CDK5RAP3: variants seen among roughly 807,000 people sequenced by gnomAD.
CDK5RAP3 encodes the protein CDK5 regulatory subunit associated protein 3, also known as CDK5 regulatory subunit-associated protein 3.
In CDK5RAP3, 58 loss-of-function variants were observed where a neutral mutation model predicts 73.3. The observed-to-expected ratio is 0.79, with a 90% CI of 0.64 to 0.98. The LOEUF (loss-of-function observed/expected upper bound fraction) is 0.98. Among genes scored for constraint, CDK5RAP3 ranks in the 50% least tolerant of loss-of-function variants. CDK5RAP3 has a pLI of 0.00. For missense variants in CDK5RAP3, 525 were observed against 615.8 expected (o/e 0.85, Z 1.56); for synonymous variants, 224 against 247.5 (o/e 0.91, Z 0.89).
rs2036373125 is a variant in CDK5RAP3 at position 47,975,267 on chromosome 17, A to C, written c.443A>C (p.Glu148Ala). Residue 148 changes from glutamate to alanine, a missense_variant, in exon 6 of 14, where the codon GAG becomes GCG. Around this residue, in one of 2 missense-constraint regions of CDK5RAP3, gnomAD observed 409 missense variants for 429.8 expected, o/e 0.95. Transcript: ENST00000338399. ...QLQQEYSRKE[E>A]ECQAGAAEMR... ...CAGCAAGAATACAGCCGCAAGGAGG[A>C]GGAGTGCCAGGCAGGGGCTGCCGAG... 2 of 1,614,164 alleles carry C rather than the reference A, an allele frequency of 1.2e-6. No individual in the cohort carries two copies. The highest frequency in any genetic ancestry group is 8.5e-7 in the Non-Finnish European group (1 of 1,180,044).
At chr17:47,980,987 C>A in intron 12 of CDK5RAP3, 176 bp from the exon 13 acceptor site, 1 of 858,378 alleles carries the variant, frequency 1.2e-6, no homozygotes, top group Non-Finnish European at 1.8e-6. Flanking sequence ...TGCTTGCTTC[C>A]TGAGTAGGAC....
At chr17:47,968,970 A>G (rs958548563), upstream of CDK5RAP3, among the ~76,000 whole-genome samples, 1 of 152,114 alleles carries the variant, frequency 6.6e-6, no homozygotes, top group African/African-American at 2.4e-5. Context: ...TATTTCATAT[A>G]GGGAGAGTTT....
At chr17:47,977,601 G>A in intron 9 of CDK5RAP3, among the ~76,000 whole-genome samples, 1 of 152,154 alleles carries the variant, frequency 6.6e-6, no homozygotes, top group Non-Finnish European at 1.5e-5. Context: ...AAATTTTGAT[G>A]TCCTTTTTCT....
At chr17:47,981,057 G>T in intron 12 of CDK5RAP3, 106 bp from the exon 13 acceptor site, 1 of 1,234,948 alleles carries the variant, frequency 8.1e-7, no homozygotes, top group Non-Finnish European at 1.1e-6. Context: ...GAGGGTAAGC[G>T]GCCAGTTGGG....
rs1158916011 is a variant in CDK5RAP3, at chr17:47,973,582, A to G, written c.116A>G (p.Glu39Gly). The G allele has an allele frequency of 5.0e-6, 8 of 1,614,158 alleles. No homozygotes were observed. The highest frequency in any genetic ancestry group is 1.1e-5 in the South Asian group (1 of 91,080). The change falls in exon 3 of 14, where the codon GAG becomes GGG. Residue 39 changes from glutamate (E) to glycine (G), a missense_variant. Coordinates refer to ENST00000338399, the MANE Select transcript of CDK5RAP3 (RefSeq NM_176096.3). ...KWQSLVLTIR[E>G]KINAAIQDMP... ...CAGAGTCTGGTGCTGACGATCCGCG[A>G]GAAGATCAATGCTGCCATCCAGGAC...
upstream of CDK5RAP3, among the ~76,000 whole-genome samples, chr17:47,969,925 G>A (rs930726782): frequency 6.6e-6 from 1 of 152,118 alleles, no homozygotes; most frequent in South Asian, 2.1e-4. Context: ...AATCACCTAG[G>A]TGTCATCCTT....
chr17:47,969,556 C>CAAAAAAA (rs36208323), upstream of CDK5RAP3, among the ~76,000 whole-genome samples: 12 of 79,848 alleles, frequency 1.5e-4, no homozygotes, highest in Non-Finnish European at 1.9e-4. Flanking sequence ...GACTCCGTCT[C>CAAAAAAA]AAAAAAAAAA....
At chr17:47,968,917 C>T (rs1049537984), upstream of CDK5RAP3, among the ~76,000 whole-genome samples, 2 of 152,152 alleles carry the variant, frequency 1.3e-5, no homozygotes, top group Admixed American at 6.5e-5. Context: ...CCCAAAAGTG[C>T]TGGGATTACA....
At position 47,973,610 on chromosome 17, in the gene CDK5RAP3, G is replaced by A. The variant is rs1330730806; in HGVS notation, c.144G>A (p.Met48Ile). The A allele has an allele frequency of 1.9e-6, 3 of 1,614,176 alleles. No homozygotes were observed. The highest frequency in any genetic ancestry group is 2.5e-6 in the Non-Finnish European group (3 of 1,180,026). The change falls in exon 3 of 14, where the codon ATG (methionine) becomes ATA (isoleucine). Residue 48 changes from methionine (M) to isoleucine (I), a missense_variant. By Grantham distance (10) the Met-to-Ile change is conservative. Coordinates refer to ENST00000338399, the MANE Select transcript of CDK5RAP3 (RefSeq NM_176096.3). Reference protein sequence around the residue: ...REKINAAIQDMPESEEIAQLL... With the variant: ...REKINAAIQDIPESEEIAQLL... ...AGATCAATGCTGCCATCCAGGACAT[G>A]CCAGAGAGCGAAGAGATCGCCCAGC...
In CDK5RAP3 at chr17:47,976,818, C is replaced by A. The variant is rs771413324; in HGVS notation, c.905C>A (p.Ser302Ter). 1 of 1,599,590 alleles carries A rather than the reference C, an allele frequency of 6.3e-7. No homozygotes were observed. The highest frequency in any genetic ancestry group is 1.7e-5 in the Admixed American group (1 of 58,972). The stretch of plus-strand genomic sequence containing the variant: ...TGGGGCATCTTCCCGGAATCAGATT[C>A]AAAGGTGAGGAGGCCTTCTCAGTCT... ...IDWGIFPESD[S>*]KDPGGDGIDW... The change falls in exon 9 of 14, where the codon TCA becomes TAA. Residue 302 changes from serine to a stop codon, truncating the protein, a stop_gained. Coordinates refer to ENST00000338399, the MANE Select transcript of CDK5RAP3 (RefSeq NM_176096.3). LOFTEE classifies it high-confidence loss of function.
At chr17:47,976,631 T>C in intron 8 of CDK5RAP3, 81 bp from the exon 9 acceptor site, 2 of 961,720 alleles carry the variant, frequency 2.1e-6, no homozygotes, top group South Asian at 2.6e-5. Context: ...CCCAAAGTAC[T>C]GGGGTTACAG....
At chr17:47,973,824 A>C in intron 3 of CDK5RAP3, 107 bp from the exon 4 acceptor site, 2 of 1,191,614 alleles carry the variant, frequency 1.7e-6, no homozygotes, top group Non-Finnish European at 2.4e-6. Context: ...GAAAAGCTAC[A>C]CACTAAAGTT....
upstream of CDK5RAP3, chr17:47,970,999 G>A: frequency 6.7e-7 from 1 of 1,500,116 alleles, no homozygotes; most frequent in Non-Finnish European, 8.9e-7. Context: ...TGAGTGGAGC[G>A]TAAACCCTGA....
upstream of CDK5RAP3, chr17:47,968,079 C>G (rs1360829301): frequency 1.3e-5 from 2 of 152,162 alleles, no homozygotes; most frequent in Non-Finnish European, 2.9e-5. Context: ...ACCTTGAGGG[C>G]AGGGCAGTGC....
intron 4 of CDK5RAP3, 50 bp downstream of exon 4, chr17:47,974,081 G>C (rs756467026): frequency 1.5e-6 from 2 of 1,297,074 alleles, no homozygotes; most frequent in South Asian, 2.4e-5. Context: ...CATCCAATCC[G>C]AGGAGTCATA....
In CDK5RAP3 at chr17:47,975,587, C is replaced by T. The variant is rs140443377; in HGVS notation, c.587C>T (p.Ala196Val). 4.1e-5 allele frequency: 66 copies of T among 1,609,540 alleles called. No homozygotes were observed. In the East Asian group the frequency reaches 1.1e-3, roughly 26 times the overall value. Residue 196 changes from alanine (A) to valine (V), a missense_variant, in exon 7 of 14, where the codon GCG becomes GTG. By Grantham distance (64) the Ala-to-Val change is moderately conservative. This residue lies in a region of CDK5RAP3 where 409 missense variants were observed against 429.8 expected (regional missense o/e 0.95). Coordinates refer to ENST00000338399, the MANE Select transcript of CDK5RAP3 (RefSeq NM_176096.3). ...AGTCAGCTGGCTGAGATTGGGGCAG[C>T]GGCTCAGCAGTCCCTGGGGGAAGCC... ...LPSQLAEIGA[A>V]AQQSLGEAID... is the part of the protein sequence containing the mutation.
rs766996334 is a variant in CDK5RAP3 at position 47,971,266 on chromosome 17, C to T, written c.7-96C>T. The T allele has an allele frequency of 4.5e-6, 7 of 1,540,152 alleles. No individual in the cohort carries two copies. The South Asian group carries it at 8.4e-5, about 18-fold the overall frequency. ...GCCCATCGCTCTGGCCCCGTTCTGG[C>T]CCTGCAGGGTGGTGGTTGGGACGTT... On this transcript the variant is annotated intron_variant, in intron 1 of 13. Transcript: ENST00000338399.
Position 47,978,842 on chromosome 17 carries a change from T to C in CDK5RAP3, c.1002T>C (p.Val334=). 1 of 1,613,888 alleles carries C rather than the reference T, an allele frequency of 6.2e-7. No homozygotes were observed. Among genetic ancestry groups the C allele is most frequent in the African/African-American group, 1.3e-5 (1 of 75,016 alleles). The change falls in exon 11 of 14, where the codon GTT becomes GTC. Residue 334 remains valine (V), a synonymous_variant. Coordinates refer to ENST00000338399, the MANE Select transcript of CDK5RAP3 (RefSeq NM_176096.3). The part of the protein sequence containing the change: ...LEAGTQAPEG[V]ARGPDALTLL... ...TCTTCCTGGCAGCTCCAGAAGGTGT[T>C]GCCAGGGGCCCAGATGCCCTGACAC... is the stretch of plus-strand genomic sequence containing the variant.
chr17:47,978,744 A>G (rs2036482074), intron 10 of CDK5RAP3, 85 bp from the exon 11 acceptor site: 1 of 1,030,352 alleles, frequency 9.7e-7, no homozygotes. Flanking sequence ...TGTCCGTATT[A>G]ATCCTCCAGG....
Sources: allele counts gnomAD v4.1 joint callset (sites outside exome capture counted in the v4.1 genomes callset), GRCh38; gene constraint gnomAD v4.1.1; regional missense constraint gnomAD v4.1.1; transcripts MANE v1.5; gene names NCBI Gene and HGNC (gene_info 2026-07-23, HGNC 2026-07-21).